RAB2A: variants seen among roughly 807,000 people sequenced by gnomAD.
RAB2A encodes the protein ras-related protein Rab-2A.
RAB2A carries 7 observed loss-of-function variants against 32.5 expected under a neutral mutation model. That is an observed-to-expected ratio of 0.22 (90% CI 0.12 to 0.40). The LOEUF (loss-of-function observed/expected upper bound fraction) is 0.40, where lower values mean the gene tolerates loss of function less well. Ranked by LOEUF, RAB2A falls within the 10% of genes least tolerant of loss-of-function variation. The pLI, the probability that RAB2A is intolerant of heterozygous loss-of-function variation, is 1.00. For missense variants in RAB2A, 108 were observed against 260.7 expected (o/e 0.41, Z 4.03); for synonymous variants, 79 against 85.2 (o/e 0.93, Z 0.40).
chr8:60,618,589 A>G lies in RAB2A; in HGVS notation c.484A>G (p.Asn162Asp). The G allele has an allele frequency of 8.1e-7, 1 of 1,230,008 alleles. No homozygotes were observed. The highest frequency in any genetic ancestry group is 1.1e-6 in the Non-Finnish European group (1 of 918,328). 76.2% of individuals were successfully genotyped at this position (1,230,008 alleles called of 1,614,324 possible). The change falls in exon 7 of 8, where the codon AAT (asparagine) becomes GAT (aspartate). Residue 162 changes from asparagine to aspartate, a missense_variant. This residue lies in a region of RAB2A where 79 missense variants were observed against 199.8 expected (regional missense o/e 0.40). Coordinates refer to ENST00000262646, the MANE Select transcript of RAB2A (RefSeq NM_002865.3). ...TASNVEEAFINTAKEIYEKIQ... is the reference protein window; with the variant it reads ...TASNVEEAFIDTAKEIYEKIQ... The stretch of plus-strand genomic sequence containing the variant: ...TTTCTCTATATTTCAGGCATTTATT[A>G]ATACAGCAAAAGAAATTTATGAAAA...
chr8:60,601,215 T>TGCTAAGATAGTTTTTTCACAAGA (rs148578207), intron 6 of RAB2A, among the ~76,000 whole-genome samples: 12 of 152,090 alleles, frequency 7.9e-5, no homozygotes, highest in Admixed American at 1.3e-4. Flanking sequence ...ACTAGATTTT[T>TGCTAAGATAGTTTTTTCACAAGA]GCTCTGTATG....
intron 1 of RAB2A, among the ~76,000 whole-genome samples, chr8:60,529,320 A>G (rs1023600584): frequency 3.9e-5 from 6 of 152,234 alleles, no homozygotes; most frequent in African/African-American, 1.4e-4. Context: ...ATCAGACTTG[A>G]TATTAGCGTG....
intron 1 of RAB2A, among the ~76,000 whole-genome samples, chr8:60,554,252 GAT>G (rs1807901606): frequency 6.6e-6 from 1 of 152,216 alleles, no homozygotes; most frequent in Admixed American, 6.5e-5. Context: ...CTAGAGCACT[GAT>G]GATTCAGAGG....
At chr8:60,597,400 A>G (rs1425535359) in intron 6 of RAB2A, among the ~76,000 whole-genome samples, 2 of 152,198 alleles carry the variant, frequency 1.3e-5, no homozygotes, top group Non-Finnish European at 2.9e-5. Flanking sequence ...TAATGAGAAC[A>G]CATGGACACA....
chr8:60,586,511 A>G (rs1462148199), intron 5 of RAB2A, among the ~76,000 whole-genome samples: 1 of 152,172 alleles, frequency 6.6e-6, no homozygotes, highest in Non-Finnish European at 1.5e-5. Flanking sequence ...TGACATCACT[A>G]TAGATAAAAA....
intron 6 of RAB2A, among the ~76,000 whole-genome samples, chr8:60,604,785 C>T (rs1481840702): frequency 6.6e-6 from 1 of 152,098 alleles, no homozygotes; most frequent in African/African-American, 2.4e-5. Context: ...TATGTGTGAG[C>T]AGAGAAGTGA....
intron 6 of RAB2A, among the ~76,000 whole-genome samples, chr8:60,598,717 C>G (rs1326815840): frequency 6.6e-6 from 1 of 151,320 alleles, no homozygotes; most frequent in Non-Finnish European, 1.5e-5. Flanking sequence ...AATTCAACAC[C>G]CATACATATT....
intron 7 of RAB2A, among the ~76,000 whole-genome samples, chr8:60,620,422 A>G (rs1804509582): frequency 6.6e-6 from 1 of 152,276 alleles, no homozygotes; most frequent in African/African-American, 2.4e-5. Context: ...CCTGAAAAGC[A>G]GCATTATCCA....
intron 6 of RAB2A, among the ~76,000 whole-genome samples, chr8:60,600,084 TGC>T (rs1804106795): frequency 7.4e-6 from 1 of 135,740 alleles, no homozygotes; most frequent in Non-Finnish European, 1.6e-5. Context: ...AAAAAAACAA[TGC>T]AATTACAAAA....
intron 2 of RAB2A, among the ~76,000 whole-genome samples, chr8:60,562,074 A>G (rs1808034026): frequency 1.3e-5 from 2 of 151,966 alleles, no homozygotes; most frequent in Admixed American, 1.3e-4. Flanking sequence ...CATACCCTCA[A>G]TCTTTCTCTT....
intron 6 of RAB2A, among the ~76,000 whole-genome samples, chr8:60,617,720 A>G (rs1804470078): frequency 6.6e-6 from 1 of 152,154 alleles, no homozygotes; most frequent in African/African-American, 2.4e-5. Context: ...ACTCCATCCT[A>G]GGCGACAGGG....
intron 5 of RAB2A, among the ~76,000 whole-genome samples, chr8:60,591,489 G>GC (rs1430307684): frequency 6.6e-6 from 1 of 152,150 alleles, no homozygotes; most frequent in Non-Finnish European, 1.5e-5. Flanking sequence ...AGTCAGTCTG[G>GC]CCAATGGAGG....
chr8:60,520,749 C>A (rs79525726), intron 1 of RAB2A, among the ~76,000 whole-genome samples: 18,276 of 152,218 alleles, frequency 0.12, 1,397 homozygotes, highest in Middle Eastern at 0.19. Flanking sequence ...GTCCCACTTA[C>A]ATTTTATTTT....
At chr8:60,604,703 A>T (rs748435639) in intron 6 of RAB2A, among the ~76,000 whole-genome samples, 1 of 152,240 alleles carries the variant, frequency 6.6e-6, no homozygotes, top group Non-Finnish European at 1.5e-5. Context: ...GATTTAAGAT[A>T]TCTGGCGGAA....
At chr8:60,568,145 T>C (rs57550331) in intron 2 of RAB2A, among the ~76,000 whole-genome samples, 22,809 of 152,208 alleles carry the variant, frequency 0.15, 1,852 homozygotes, top group East Asian at 0.26. Context: ...GGAGTCCATA[T>C]GTTACCATGC....
In RAB2A at chr8:60,517,105, G is replaced by A. The variant is rs550266054; in HGVS notation, c.-103G>A. On this transcript the variant is annotated 5_prime_UTR_variant, in exon 1 of 8. Transcript: ENST00000262646. The stretch of plus-strand genomic sequence containing the variant: ...GACAGCAGCAGCGGCGGCGGCGGGC[G>A]GCGCCTGGCGTTTCGAGGCTGAGCG... The A allele has an allele frequency of 1.6e-6, 2 of 1,238,880 alleles. No homozygotes were observed. Among genetic ancestry groups the A allele is most frequent in the East Asian group, 3.2e-5 (1 of 31,742 alleles). 76.7% of individuals were successfully genotyped at this position (1,238,880 alleles called of 1,614,324 possible).
At chr8:60,612,446 C>G (rs1336679326) in intron 6 of RAB2A, among the ~76,000 whole-genome samples, 1 of 152,074 alleles carries the variant, frequency 6.6e-6, no homozygotes, top group Non-Finnish European at 1.5e-5. Flanking sequence ...TTATATACTT[C>G]CAAAAATAAT....
At chr8:60,563,771 A>G (rs1035420909) in intron 2 of RAB2A, among the ~76,000 whole-genome samples, 3 of 152,090 alleles carry the variant, frequency 2.0e-5, no homozygotes, top group African/African-American at 4.8e-5. Context: ...ACCTCATCAG[A>G]ATTATGCCAT....
At chr8:60,588,268 G>A (rs1298516865) in intron 5 of RAB2A, among the ~76,000 whole-genome samples, 3 of 152,096 alleles carry the variant, frequency 2.0e-5, no homozygotes, top group African/African-American at 7.2e-5. Context: ...AGGCCACAGA[G>A]CAAGACCCTG....
Sources: allele counts gnomAD v4.1 joint callset (sites outside exome capture counted in the v4.1 genomes callset), GRCh38; gene constraint gnomAD v4.1.1; regional missense constraint gnomAD v4.1.1; transcripts MANE v1.5; gene names NCBI Gene and HGNC (gene_info 2026-07-23, HGNC 2026-07-21).